The following OR2AJ1 variants were observed in gnomAD, a reference collection of about 807,000 sequenced individuals.
The protein encoded by OR2AJ1 is olfactory receptor family 2 subfamily AJ member 1.
For synonymous variants in OR2AJ1, 105 were observed against 60.3 expected (o/e 1.74, Z -3.44); for missense variants, 280 against 163.2 (o/e 1.72, Z -3.90).
intron 1 of OR2AJ1, among the ~76,000 whole-genome samples, chr1:247,930,596 G>A (rs944771985): frequency 6.6e-6 from 1 of 152,150 alleles, no homozygotes; most frequent in African/African-American, 2.4e-5. Context: ...ATAAACATAT[G>A]AACTCTGAAG....
At chr1:247,932,552 G>A (rs903168904) in intron 1 of OR2AJ1, among the ~76,000 whole-genome samples, 3 of 152,010 alleles carry the variant, frequency 2.0e-5, no homozygotes, top group South Asian at 2.1e-4. Context: ...ATATATTGTC[G>A]GTGACATACT....
chr1:247,933,152 C>G (rs762754798), intron 1 of OR2AJ1, among the ~76,000 whole-genome samples: 7 of 152,286 alleles, frequency 4.6e-5, no homozygotes, highest in Admixed American at 6.5e-5. Flanking sequence ...TTCCACAGTT[C>G]ATTCATTTCA....
At chr1:247,930,591 C>G (rs1219605245) in intron 1 of OR2AJ1, among the ~76,000 whole-genome samples, 2 of 152,160 alleles carry the variant, frequency 1.3e-5, no homozygotes, top group African/African-American at 4.8e-5. Context: ...CGGGAATAAA[C>G]ATATGAACTC....
chr1:247,933,639 A>G (rs1572611691), intron 1 of OR2AJ1, 108 bp from the exon 2 acceptor site: 9 of 482,822 alleles, frequency 1.9e-5, no homozygotes, highest in Middle Eastern at 5.4e-4. Context: ...GATGTTGATT[A>G]CAAAACATGC....
chr1:247,930,386 A>G (rs1660138894), intron 1 of OR2AJ1, among the ~76,000 whole-genome samples: 1 of 152,188 alleles, frequency 6.6e-6, no homozygotes. Context: ...AAATTAATGA[A>G]TATGTGGTGT....
At chr1:247,932,676 A>G (rs1386766601) in intron 1 of OR2AJ1, among the ~76,000 whole-genome samples, 2 of 152,222 alleles carry the variant, frequency 1.3e-5, no homozygotes, top group African/African-American at 2.4e-5. Context: ...ATGATCATAA[A>G]GCATCTTGAA....
chr1:247,930,106 A>G (rs1307141840), intron 1 of OR2AJ1, among the ~76,000 whole-genome samples: 2 of 152,176 alleles, frequency 1.3e-5, no homozygotes, highest in Non-Finnish European at 2.9e-5. Flanking sequence ...ATTAAGTCTG[A>G]TATTTTAAGC....
Position 247,934,317 on chromosome 1 carries a change from C to T in OR2AJ1, c.549C>T (p.Ala183=). ...AIDHFFCEVP[A]MLKLSCADTT... Reference sequence around the variant, plus strand: ...ATCACTTCTTCTGTGAAGTCCCTGCCATGTTGAAGTTGTCCTGTGCAGACA... The same window carrying T: ...ATCACTTCTTCTGTGAAGTCCCTGCTATGTTGAAGTTGTCCTGTGCAGACA... Residue 183 remains alanine, a synonymous_variant, in exon 2 of 2, where the codon GCC becomes GCT. Transcript: ENST00000318244. The T allele has an allele frequency of 1.4e-6, 1 of 738,652 alleles. No individual in the cohort carries two copies. The highest frequency in any genetic ancestry group is 2.6e-5 in the East Asian group (1 of 39,078). 45.8% of individuals were successfully genotyped at this position (738,652 alleles called of 1,614,324 possible).
At chr1:247,925,201 C>T (rs1204726616) in intron 1 of OR2AJ1, 33 bp downstream of exon 1, 2 of 152,654 alleles carry the variant, frequency 1.3e-5, no homozygotes, top group East Asian at 1.9e-4. Flanking sequence ...ATGGGTACCC[C>T]GGGAGGACTT....
intron 1 of OR2AJ1, among the ~76,000 whole-genome samples, chr1:247,927,299 A>C (rs1027961416): frequency 2.6e-5 from 4 of 152,198 alleles, no homozygotes; most frequent in Non-Finnish European, 5.9e-5. Context: ...TAAGTGCATA[A>C]TAAGAGAGAA....
chr1:247,929,385 T>C (rs974448496), intron 1 of OR2AJ1, among the ~76,000 whole-genome samples: 2 of 152,160 alleles, frequency 1.3e-5, no homozygotes, highest in African/African-American at 4.8e-5. Flanking sequence ...ATCTCTCTTC[T>C]TTCATTCCTT....
intron 1 of OR2AJ1, among the ~76,000 whole-genome samples, chr1:247,932,877 C>G (rs1660169400): frequency 6.6e-6 from 1 of 152,050 alleles, no homozygotes; most frequent in Non-Finnish European, 1.5e-5. Context: ...CCTACTATCC[C>G]ACATATAGAA....
Position 247,933,992 on chromosome 1 carries a change from C to A in OR2AJ1, c.224C>A (p.Ser75Tyr). Reference sequence around the variant, plus strand: ...TCCTTAATGGATATCTTGCATGTTTCCAACATCGTTCCCAAAATGGTCACT... The same window carrying A: ...TCCTTAATGGATATCTTGCATGTTTACAACATCGTTCCCAAAATGGTCACT... Reference protein sequence around the residue: ...HLSLMDILHVSNIVPKMVTNF... With the variant: ...HLSLMDILHVYNIVPKMVTNF... Residue 75 changes from serine (S) to tyrosine (Y), a missense_variant, in exon 2 of 2, where the codon TCC (serine) becomes TAC (tyrosine). Transcript: ENST00000318244. 1 of 717,462 alleles carries A rather than the reference C, an allele frequency of 1.4e-6. No individual in the cohort carries two copies. The highest frequency in any genetic ancestry group is 2.0e-5 in the Admixed American group (1 of 50,006). The allele number at this position is 717,462 out of a possible 1,614,324, so 44.4% of individuals were successfully genotyped here. A position where few individuals can be genotyped will look rare whatever the true frequency, so the allele number is the denominator to read the frequency against.
Position 247,934,179 on chromosome 1 carries a change from G to A in OR2AJ1, c.411G>A (p.Lys137=), listed in dbSNP as rs1399378381. The change falls in exon 2 of 2, where the codon AAG becomes AAA. Residue 137 remains lysine (K), a synonymous_variant. Coordinates refer to ENST00000318244, the MANE Select transcript of OR2AJ1 (RefSeq NM_001355235.2). The part of the protein sequence containing the change: ...CHPLRYPILM[K]EYASALMAGG... ...CGCTGCGCTATCCGATTCTTATGAAGGAGTATGCCAGCGCTCTCATGGCTG... is the reference window on the plus strand; with the variant it reads ...CGCTGCGCTATCCGATTCTTATGAAAGAGTATGCCAGCGCTCTCATGGCTG... The A allele has an allele frequency of 1.4e-6, 1 of 718,510 alleles. No homozygotes were observed. The highest frequency in any genetic ancestry group is 2.6e-6 in the Non-Finnish European group (1 of 385,578). 44.5% of individuals were successfully genotyped at this position (718,510 alleles called of 1,614,324 possible).
chr1:247,934,212 C>T lies in OR2AJ1; in HGVS notation c.444C>T (p.Ser148=). 2.8e-6 allele frequency: 2 copies of T among 718,690 alleles called. No homozygotes were observed. Among genetic ancestry groups the T allele is most frequent in the East Asian group, 5.4e-5 (2 of 37,350 alleles). 44.5% of individuals were successfully genotyped at this position (718,690 alleles called of 1,614,324 possible). Residue 148 remains serine (S), a synonymous_variant, in exon 2 of 2, where the codon TCC becomes TCT. Transcript: ENST00000318244. ...EYASALMAGG[S]WLIGVFNSTV... is the part of the protein sequence containing the mutation. Reference sequence around the variant, plus strand: ...CCAGCGCTCTCATGGCTGGAGGCTCCTGGCTCATTGGGGTTTTCAACTCCA... The same window carrying T: ...CCAGCGCTCTCATGGCTGGAGGCTCTTGGCTCATTGGGGTTTTCAACTCCA...
At position 247,934,254 on chromosome 1, in the gene OR2AJ1, T is replaced by G. The variant is rs771713784; in HGVS notation, c.486T>G (p.Tyr162Ter). 1 of 722,196 alleles carries G rather than the reference T, an allele frequency of 1.4e-6. No individual in the cohort carries two copies. Among genetic ancestry groups the G allele is most frequent in the South Asian group, 1.5e-5 (1 of 67,914 alleles). 44.7% of individuals were successfully genotyped at this position (722,196 alleles called of 1,614,324 possible). The change falls in exon 2 of 2, where the codon TAT (tyrosine) becomes TAG (stop). Residue 162 changes from tyrosine (Y) to a stop codon, truncating the protein, a stop_gained. Transcript: ENST00000318244. LOFTEE classifies it low-confidence loss of function (END_TRUNC). ...GVFNSTVHTA[Y>*]ALQFPFCGSR... ...TCAACTCCACAGTCCACACAGCTTATGCACTGCAGTTTCCCTTCTGTGGCT... is the reference window on the plus strand; with the variant it reads ...TCAACTCCACAGTCCACACAGCTTAGGCACTGCAGTTTCCCTTCTGTGGCT...
intron 1 of OR2AJ1, among the ~76,000 whole-genome samples, chr1:247,927,663 CTCTCT>C (rs531737341): frequency 2.9e-4 from 44 of 152,098 alleles, no homozygotes; most frequent in African/African-American, 1.1e-3. Flanking sequence ...AGCAACTTCT[CTCTCT>C]TCTCTTAGGC....
chr1:247,934,837 A>T lies in OR2AJ1; in HGVS notation c.*82A>T. 1 of 604,802 alleles carries T rather than the reference A, an allele frequency of 1.7e-6. No homozygotes were observed. Among genetic ancestry groups the T allele is most frequent in the Non-Finnish European group, 2.9e-6 (1 of 341,052 alleles). 37.5% of individuals were successfully genotyped at this position (604,802 alleles called of 1,614,324 possible). On this transcript the variant is annotated 3_prime_UTR_variant, in exon 2 of 2. Coordinates refer to ENST00000318244, the MANE Select transcript of OR2AJ1 (RefSeq NM_001355235.2). ...ACCACATATAAGAAGTGAATATTTCAGAAACATTGTTAATAATAAACAATA... is the reference window on the plus strand; with the variant it reads ...ACCACATATAAGAAGTGAATATTTCTGAAACATTGTTAATAATAAACAATA...
Position 247,934,119 on chromosome 1 carries a change from A to C in OR2AJ1, c.351A>C (p.Ala117=), listed in dbSNP as rs1432523553. The change falls in exon 2 of 2, where the codon GCA becomes GCC. Residue 117 remains alanine, a synonymous_variant. Transcript: ENST00000318244. ...LLGGECLLLA[A]MSCDRYVAIC... ...GTGGTGAGTGCCTTCTCCTGGCTGC[A>C]ATGTCCTGTGATCGCTATGTGGCTA... 2.8e-6 allele frequency: 2 copies of C among 718,692 alleles called. No homozygotes were observed. The highest frequency in any genetic ancestry group is 2.7e-5 in the East Asian group (1 of 37,338). The allele number at this position is 718,692 out of a possible 1,614,324, so 44.5% of individuals were successfully genotyped here.
Sources: gnomAD v4.1 joint callset for allele counts (sites outside exome capture counted in the v4.1 genomes callset) on GRCh38, gnomAD v4.1.1 for gene constraint, MANE v1.5 for transcripts, NCBI Gene and HGNC (gene_info 2026-07-23, HGNC 2026-07-21) for gene names.